The following SPATA1 variants were observed in gnomAD, a reference collection of about 807,000 sequenced individuals.
The protein encoded by SPATA1 is spermatogenesis-associated protein 1.
In SPATA1, 57 loss-of-function variants were observed where a neutral mutation model predicts 59.6. The ratio of observed to expected loss-of-function variants is 0.96; its 90% CI spans 0.77 to 1.19. The LOEUF is 1.19. Among genes scored for constraint, SPATA1 ranks in the 50% most tolerant of loss-of-function variants. The pLI is 0.00. For missense variants in SPATA1, 448 were observed against 480.7 expected (o/e 0.93, Z 0.64); for synonymous variants, 147 against 163.9 (o/e 0.90, Z 0.79).
intron 1 of SPATA1, among the ~76,000 whole-genome samples, chr1:84,511,665 TTTTTTC>T (rs1483163112): frequency 1.7e-4 from 25 of 146,168 alleles, no homozygotes; most frequent in African/African-American, 5.8e-4. Context: ...CTTTTTTTTT[TTTTTTC>T]TTTCTTTCTT....
downstream of SPATA1, chr1:84,554,656 T>A (rs1321286009): frequency 5.5e-5 from 10 of 181,336 alleles, no homozygotes; most frequent in Admixed American, 4.4e-4. Context: ...ATTATACATA[T>A]TTTAAAAATC....
chr1:84,565,862 G>A (rs1213912261), exon 5 of SPATA1: 33 of 1,563,308 alleles, frequency 2.1e-5, no homozygotes, highest in Non-Finnish European at 2.6e-5. Context: ...TGATTATAGG[G>A]AGCATTGGCT....
chr1:84,526,827 C>T (rs1300026087), intron 6 of SPATA1, among the ~76,000 whole-genome samples: 2 of 139,768 alleles, frequency 1.4e-5, no homozygotes, highest in Non-Finnish European at 3.0e-5. Flanking sequence ...GAGATGGCAC[C>T]ATCACCCTCC....
At chr1:84,508,877 C>T (rs1367663746) in intron 1 of SPATA1, among the ~76,000 whole-genome samples, 1 of 151,888 alleles carries the variant, frequency 6.6e-6, no homozygotes, top group African/African-American at 2.4e-5. Flanking sequence ...AAGATCTGTA[C>T]AAAGAAAACC....
exon 5 of SPATA1, chr1:84,566,174 C>G (rs1433100193): frequency 5.8e-6 from 2 of 343,362 alleles, no homozygotes; most frequent in East Asian, 9.8e-5. Context: ...TTGAACCATT[C>G]TAAGAAATAT....
chr1:84,566,066 G>T, exon 5 of SPATA1: 1 of 1,130,982 alleles, frequency 8.8e-7, no homozygotes, highest in Non-Finnish European at 1.2e-6. Context: ...TGCATATTAC[G>T]TCAGATTTTT....
intron 8 of SPATA1, among the ~76,000 whole-genome samples, chr1:84,534,124 T>C (rs1228583219): frequency 6.6e-6 from 1 of 152,042 alleles, no homozygotes; most frequent in Admixed American, 6.5e-5. Flanking sequence ...AATTATATAG[T>C]GTGTTAAGAA....
intron 1 of SPATA1, among the ~76,000 whole-genome samples, chr1:84,509,115 C>T (rs983196954): frequency 2.0e-5 from 3 of 151,636 alleles, no homozygotes; most frequent in Non-Finnish European, 4.4e-5. Flanking sequence ...CCAAAGTTAC[C>T]CTGAGCCAAA....
At chr1:84,523,457 G>A (rs567550270) in intron 4 of SPATA1, among the ~76,000 whole-genome samples, 4 of 152,178 alleles carry the variant, frequency 2.6e-5, no homozygotes, top group Non-Finnish European at 4.4e-5. Flanking sequence ...ATGTGTTTAT[G>A]TGAATATTTG....
At chr1:84,513,865 G>A (rs1232709513) in intron 1 of SPATA1, among the ~76,000 whole-genome samples, 2 of 101,404 alleles carry the variant, frequency 2.0e-5, no homozygotes, top group African/African-American at 1.4e-4. Flanking sequence ...TTTTTGAGAC[G>A]GAGTCTCACT....
intron 4 of SPATA1, among the ~76,000 whole-genome samples, chr1:84,561,861 C>T (rs1256950328): frequency 6.6e-6 from 1 of 152,190 alleles, no homozygotes; most frequent in African/African-American, 2.4e-5. Flanking sequence ...TGCTATTACA[C>T]ACTTAACAGA....
At chr1:84,522,910 AC>A (rs1570404735) in intron 4 of SPATA1, among the ~76,000 whole-genome samples, 1 of 145,246 alleles carries the variant, frequency 6.9e-6, no homozygotes, top group East Asian at 2.0e-4. Flanking sequence ...TTTGGTGTCA[AC>A]TTTTTTTTTT....
intron 2 of SPATA1, 64 bp from the exon 3 acceptor site, chr1:84,520,521 C>T: frequency 1.1e-6 from 1 of 872,354 alleles, no homozygotes. Context: ...TTCTATAGGA[C>T]ATCAATTGAT....
intron 1 of SPATA1, among the ~76,000 whole-genome samples, chr1:84,514,945 T>G (rs1043560955): frequency 1.3e-5 from 2 of 152,068 alleles, no homozygotes; most frequent in African/African-American, 4.8e-5. Flanking sequence ...CACTCCAGCC[T>G]GGGCAACACA....
downstream of SPATA1, among the ~76,000 whole-genome samples, chr1:84,557,566 AAG>A (rs1353236450): frequency 1.3e-5 from 2 of 149,832 alleles, no homozygotes; most frequent in African/African-American, 2.5e-5. Flanking sequence ...AAAAAAAAAA[AAG>A]AAGGAGGCTG....
chr1:84,557,533 C>CAAAAAA (rs56101174), downstream of SPATA1, among the ~76,000 whole-genome samples: 10 of 55,422 alleles, frequency 1.8e-4, no homozygotes, highest in East Asian at 6.9e-4. Flanking sequence ...AACTCCATCT[C>CAAAAAA]AAAAAAAAAA....
intron 2 of SPATA1, among the ~76,000 whole-genome samples, 159 bp from the exon 3 acceptor site, chr1:84,520,426 A>G (rs1682974841): frequency 6.6e-6 from 1 of 152,194 alleles, no homozygotes; most frequent in Admixed American, 6.5e-5. Context: ...ACTTAAGAAC[A>G]AATTTTTAGT....
chr1:84,550,627 C>G, intron 12 of SPATA1, 97 bp downstream of exon 12: 4 of 1,319,110 alleles, frequency 3.0e-6, no homozygotes, highest in Non-Finnish European at 3.9e-6. Context: ...ATAAGGGTAG[C>G]CAGGATTGAC....
Position 84,517,793 on chromosome 1 carries a change from C to A in SPATA1, c.36+1398C>A, listed in dbSNP as rs190548093. Among the ~76,000 whole-genome samples the A allele has an allele frequency of 1.2e-3, 176 of 152,184 alleles. 1 individual carries two copies. The highest frequency in any genetic ancestry group is 3.9e-3 in the African/African-American group (163 of 41,550). Reference sequence around the variant, plus strand: ...ACAAAATCTGACTACTTTTTAATAACCTTTACTGCTAGCACGTGAGTCACC... The same window carrying A: ...ACAAAATCTGACTACTTTTTAATAAACTTTACTGCTAGCACGTGAGTCACC... On this transcript the variant is annotated intron_variant, in intron 2 of 12. Transcript: ENST00000490879.
Sources: allele counts gnomAD v4.1 joint callset (sites outside exome capture counted in the v4.1 genomes callset), GRCh38; gene constraint gnomAD v4.1.1; transcripts MANE v1.5; gene names NCBI Gene and HGNC (gene_info 2026-07-23, HGNC 2026-07-21).